Variants in IFT80 observed in about 807,000 individuals in gnomAD.
IFT80 encodes the protein intraflagellar transport protein 80 homolog.
Under a neutral mutation model 107.9 loss-of-function variants are expected in IFT80, and 79 were observed. The observed-to-expected ratio is 0.73, with a 90% CI of 0.61 to 0.88. IFT80 has a LOEUF of 0.88. IFT80 is among the 40% of genes least tolerant of loss of function. The probability of loss-of-function intolerance (pLI) is 0.00; values close to 1 mark genes in which losing one functional copy is unlikely to be tolerated. For synonymous variants in IFT80, 299 were observed against 300.9 expected (o/e 0.99, Z 0.07); for missense variants, 797 against 914.2 (o/e 0.87, Z 1.65).
chr3:160,373,066 C>G (rs1172378619), intron 5 of IFT80, among the ~76,000 whole-genome samples: 1 of 152,074 alleles, frequency 6.6e-6, no homozygotes, highest in Non-Finnish European at 1.5e-5. Context: ...ATATCAAAAG[C>G]AGAAGCAAAT....
At chr3:160,385,377 T>C (rs1712848449) in intron 1 of IFT80, among the ~76,000 whole-genome samples, 2 of 152,182 alleles carry the variant, frequency 1.3e-5, no homozygotes, top group African/African-American at 4.8e-5. Flanking sequence ...CCGATTTACA[T>C]TTACAGAATT....
chr3:160,287,878 C>A (rs144403015), intron 12 of IFT80, among the ~76,000 whole-genome samples: 1 of 152,278 alleles, frequency 6.6e-6, no homozygotes, highest in Non-Finnish European at 1.5e-5. Flanking sequence ...ATATTGGATT[C>A]TTGCCAGTTC....
intron 6 of IFT80, among the ~76,000 whole-genome samples, chr3:160,360,576 G>A (rs1472473201): frequency 1.3e-5 from 2 of 152,114 alleles, no homozygotes; most frequent in Non-Finnish European, 2.9e-5. Context: ...AGGTAGAAAT[G>A]AAGGAAAAAA....
chr3:160,358,054 G>T (rs1055423226), intron 6 of IFT80, among the ~76,000 whole-genome samples: 4 of 151,932 alleles, frequency 2.6e-5, no homozygotes, highest in African/African-American at 9.7e-5. Context: ...TGTCACGCAG[G>T]TTGGAGTTCA....
In IFT80 at chr3:160,381,252, A is replaced by T. The variant is rs572890139; in HGVS notation, c.259+251T>A. Reference sequence around the variant, plus strand: ...ACCCCATCTCTAAATATATATATATATATATATATATATTAAAGCCAAAGA... The same window carrying T: ...ACCCCATCTCTAAATATATATATATTTATATATATATATTAAAGCCAAAGA... On this transcript the variant is annotated intron_variant, in intron 3 of 19. Coordinates refer to ENST00000326448, the MANE Select transcript of IFT80 (RefSeq NM_020800.3). Among the ~76,000 whole-genome samples the T allele has an allele frequency of 1.0e-3, 140 of 136,524 alleles. 6 individuals carry two copies. In the South Asian group the frequency reaches 0.031, roughly 30 times the overall value. The allele number at this position is 136,524 out of a possible 152,430, so 89.6% of individuals were successfully genotyped here. A position where few individuals can be genotyped will look rare whatever the true frequency, so the allele number is the denominator to read the frequency against.
Position 160,389,967 on chromosome 3 carries a change from T to C in IFT80, c.-46-5321A>G, listed in dbSNP as rs1713241722. On this transcript the variant is annotated intron_variant, in intron 1 of 19. Coordinates refer to ENST00000326448, the MANE Select transcript of IFT80 (RefSeq NM_020800.3). ...CACCAACAGTGTAAAAGTGTTCCTA[T>C]TTCTCCACATCCTGGACTTGTTTCA... Among the ~76,000 whole-genome samples the C allele has an allele frequency of 4.6e-5, 7 of 152,186 alleles. No homozygotes were observed. The South Asian group carries it at 1.4e-3, about 31-fold the overall frequency.
intron 12 of IFT80, among the ~76,000 whole-genome samples, chr3:160,296,444 T>C (rs1304101698): frequency 1.3e-5 from 2 of 152,092 alleles, no homozygotes; most frequent in Non-Finnish European, 2.9e-5. Context: ...TTTCTTTACC[T>C]GTATATTGTT....
chr3:160,356,005 T>C lies in IFT80; in HGVS notation c.777+8A>G, dbSNP rs1419542027. ...GCACATCTGTGATTGCTCACCACTA[T>C]AACTTACCCCAGTTTTATCACACAA... On this transcript the variant is annotated splice_region_variant and intron_variant, in intron 8 of 19. Transcript: ENST00000326448. The C allele has an allele frequency of 6.2e-7, 1 of 1,613,894 alleles. No individual in the cohort carries two copies. Among genetic ancestry groups the C allele is most frequent in the Non-Finnish European group, 8.5e-7 (1 of 1,179,834 alleles).
At chr3:160,304,285 T>C (rs1216373241) in intron 10 of IFT80, among the ~76,000 whole-genome samples, 2 of 152,162 alleles carry the variant, frequency 1.3e-5, no homozygotes, top group Non-Finnish European at 1.5e-5. Context: ...AGTTCTGCCA[T>C]GTATTGGCTC....
At chr3:160,375,936 A>T in intron 4 of IFT80, 56 bp from the exon 5 acceptor site, 1 of 1,153,326 alleles carries the variant, frequency 8.7e-7, no homozygotes, top group Non-Finnish European at 1.3e-6. Flanking sequence ...ATAAATTTAA[A>T]CATTAAATTT....
At chr3:160,312,505 C>T (rs1197619026) in intron 9 of IFT80, among the ~76,000 whole-genome samples, 5 of 137,498 alleles carry the variant, frequency 3.6e-5, no homozygotes, top group East Asian at 4.1e-4. Context: ...TGAGACTCCA[C>T]GCTGTATTTT....
chr3:160,320,486 G>C (rs1718124208), intron 8 of IFT80, among the ~76,000 whole-genome samples: 1 of 150,906 alleles, frequency 6.6e-6, no homozygotes, highest in African/African-American at 2.4e-5. Flanking sequence ...CTATCTAACT[G>C]TCTGAGAAAG....
chr3:160,397,716 C>CTTTTTTTTTT (rs545413654), intron 1 of IFT80, among the ~76,000 whole-genome samples: 2 of 96,598 alleles, frequency 2.1e-5, no homozygotes, highest in Non-Finnish European at 4.0e-5. Context: ...TTGGTCTATA[C>CTTTTTTTTTT]TTTTTTTTTT....
intron 8 of IFT80, among the ~76,000 whole-genome samples, chr3:160,351,845 A>T (rs1217735258): frequency 1.3e-5 from 2 of 151,880 alleles, no homozygotes; most frequent in East Asian, 3.8e-4. Context: ...GAAAATGAGC[A>T]AAAAAACTAT....
chr3:160,383,808 C>G (rs1221335186), intron 2 of IFT80: 1 of 985,272 alleles, frequency 1.0e-6, no homozygotes, highest in Admixed American at 6.1e-5. Context: ...TTAATTGCCA[C>G]CTTCCCATGT....
At chr3:160,267,128 G>A (rs985635758) in intron 19 of IFT80, among the ~76,000 whole-genome samples, 2 of 152,128 alleles carry the variant, frequency 1.3e-5, no homozygotes, top group African/African-American at 4.8e-5. Context: ...TCCAGATGTC[G>A]AAGTTGCACT....
At chr3:160,355,288 A>T (rs769371092) in intron 8 of IFT80, among the ~76,000 whole-genome samples, 1 of 152,156 alleles carries the variant, frequency 6.6e-6, no homozygotes, top group Non-Finnish European at 1.5e-5. Flanking sequence ...TCTAATTCTC[A>T]TCCAGGCTGG....
At chr3:160,396,489 A>G (rs1559979788) in intron 1 of IFT80, among the ~76,000 whole-genome samples, 1 of 152,328 alleles carries the variant, frequency 6.6e-6, no homozygotes, top group Non-Finnish European at 1.5e-5. Context: ...TAAAATGATG[A>G]AAAAACCTTG....
chr3:160,313,560 T>A (rs1717568883), intron 9 of IFT80, among the ~76,000 whole-genome samples: 1 of 151,520 alleles, frequency 6.6e-6, no homozygotes. Context: ...ATTGCTGTTA[T>A]AGTTTCAAAA....
Sources: gnomAD v4.1 joint callset for allele counts (sites outside exome capture counted in the v4.1 genomes callset) on GRCh38, gnomAD v4.1.1 for gene constraint, MANE v1.5 for transcripts, NCBI Gene and HGNC (gene_info 2026-07-23, HGNC 2026-07-21) for gene names.